Variants in B3GALT1 observed in about 807,000 individuals in gnomAD.
B3GALT1 encodes beta-1,3-galactosyltransferase 1, also known as UDP-Gal:betaGlcNAc beta 1,3-galactosyltransferase, polypeptide 1.
A neutral mutation model predicts 23.2 loss-of-function variants in B3GALT1; 10 were observed. The ratio of observed to expected loss-of-function variants is 0.43; its 90% CI spans 0.27 to 0.73. The LOEUF (loss-of-function observed/expected upper bound fraction) is 0.73, where lower values mean the gene tolerates loss of function less well. Ranked by LOEUF, B3GALT1 falls within the 30% of genes least tolerant of loss-of-function variation. B3GALT1 has a pLI of 0.21. For synonymous variants in B3GALT1, 156 were observed against 141.5 expected (o/e 1.10, Z -0.73); for missense variants, 299 against 405.4 (o/e 0.74, Z 2.25).
chr2:167,546,657 A>G (rs1683641647), intron 2 of B3GALT1, among the ~76,000 whole-genome samples: 1 of 152,152 alleles, frequency 6.6e-6, no homozygotes, highest in Non-Finnish European at 1.5e-5. Context: ...CAGTTCTCAC[A>G]TACTTCTGGC....
intron 1 of B3GALT1, among the ~76,000 whole-genome samples, chr2:167,303,300 T>C (rs1696481364): frequency 6.6e-6 from 1 of 152,088 alleles, no homozygotes; most frequent in South Asian, 2.1e-4. Flanking sequence ...AAACACACAG[T>C]AAAAATTCTC....
chr2:167,563,908 A>C (rs1684084973), intron 2 of B3GALT1, among the ~76,000 whole-genome samples: 1 of 79,348 alleles, frequency 1.3e-5, no homozygotes, highest in African/African-American at 5.2e-5. Flanking sequence ...GGCGGGGCCG[A>C]TCCCCCCACC....
At chr2:167,794,194 G>A (rs1453132466) in intron 3 of B3GALT1, among the ~76,000 whole-genome samples, 3 of 152,084 alleles carry the variant, frequency 2.0e-5, no homozygotes, top group Admixed American at 6.5e-5. Flanking sequence ...AAACACAAAC[G>A]TGTTCTTCTG....
Position 167,471,230 on chromosome 2 carries a change from G to A in B3GALT1, c.-510-18947G>A, listed in dbSNP as rs113741700. 1.5e-3 allele frequency among the ~76,000 whole-genome samples: 226 copies of A among 152,194 alleles called. 1 individual carries two copies. The highest frequency in any genetic ancestry group is 5.0e-3 in the African/African-American group (207 of 41,534). On this transcript the variant is annotated intron_variant, in intron 1 of 4. Transcript: ENST00000392690. ...ATTAATTAGCAGATAGTAAAAATAC[G>A]TGCATTTCAAAAATAAAAATCGACA...
At chr2:167,334,244 A>G (rs13428468) in intron 1 of B3GALT1, among the ~76,000 whole-genome samples, 9 of 152,194 alleles carry the variant, frequency 5.9e-5, no homozygotes, top group Non-Finnish European at 1.2e-4. Context: ...CCATTTGGCA[A>G]CTGACTGCCT....
At chr2:167,734,669 T>C (rs1687464435) in intron 3 of B3GALT1, among the ~76,000 whole-genome samples, 1 of 152,060 alleles carries the variant, frequency 6.6e-6, no homozygotes, top group South Asian at 2.1e-4. Flanking sequence ...GAATAAATTA[T>C]GAAAGTTTCT....
At chr2:167,331,364 G>C (rs1310032802) in intron 1 of B3GALT1, among the ~76,000 whole-genome samples, 2 of 152,198 alleles carry the variant, frequency 1.3e-5, no homozygotes, top group Non-Finnish European at 2.9e-5. Context: ...TGGCAGCAGT[G>C]GGCTGGGTGG....
chr2:167,747,387 C>A (rs1201685881), intron 3 of B3GALT1, among the ~76,000 whole-genome samples: 1 of 152,190 alleles, frequency 6.6e-6, no homozygotes, highest in Non-Finnish European at 1.5e-5. Context: ...TAACATCATA[C>A]AACTAATTCA....
intron 3 of B3GALT1, among the ~76,000 whole-genome samples, chr2:167,689,025 TTGAC>T (rs1322444395): frequency 7.2e-5 from 11 of 152,106 alleles, no homozygotes; most frequent in African/African-American, 2.2e-4. Flanking sequence ...TTTAGAAAAT[TTGAC>T]TGGCTTTGGG....
At chr2:167,388,991 T>G (rs1418491825) in intron 1 of B3GALT1, among the ~76,000 whole-genome samples, 2 of 152,230 alleles carry the variant, frequency 1.3e-5, no homozygotes, top group African/African-American at 4.8e-5. Context: ...CAAAATAATT[T>G]CCTAGAGTGT....
intron 2 of B3GALT1, among the ~76,000 whole-genome samples, chr2:167,635,892 C>T (rs983318818): frequency 2.6e-5 from 4 of 151,994 alleles, no homozygotes; most frequent in Non-Finnish European, 5.9e-5. Context: ...CAAGACAATC[C>T]TAAGCAAAAA....
intron 3 of B3GALT1, among the ~76,000 whole-genome samples, chr2:167,698,783 C>T (rs1686825928): frequency 6.6e-6 from 1 of 152,170 alleles, no homozygotes; most frequent in Non-Finnish European, 1.5e-5. Context: ...CACTGCCGTT[C>T]AATAAGTCTT....
intron 1 of B3GALT1, among the ~76,000 whole-genome samples, chr2:167,331,065 C>A (rs759302461): frequency 3.3e-5 from 5 of 152,000 alleles, no homozygotes; most frequent in Admixed American, 6.5e-5. Flanking sequence ...TGGATACATA[C>A]AGTAGTACAG....
At chr2:167,400,201 T>C (rs1698166657) in intron 1 of B3GALT1, among the ~76,000 whole-genome samples, 1 of 151,822 alleles carries the variant, frequency 6.6e-6, no homozygotes, top group Admixed American at 6.6e-5. Context: ...TGTCTGTGTG[T>C]GTGTATGTGT....
At chr2:167,643,381 A>G (rs57622031) in intron 2 of B3GALT1, among the ~76,000 whole-genome samples, 4 of 152,310 alleles carry the variant, frequency 2.6e-5, no homozygotes, top group East Asian at 3.9e-4. Context: ...GGTTTACATC[A>G]TCGATCCATT....
intron 2 of B3GALT1, among the ~76,000 whole-genome samples, chr2:167,538,933 G>T (rs1683483293): frequency 6.6e-6 from 1 of 151,986 alleles, no homozygotes; most frequent in Admixed American, 6.6e-5. Context: ...AGGCCTAATT[G>T]TACCTCACAT....
chr2:167,625,793 A>G (rs945985604), intron 2 of B3GALT1, among the ~76,000 whole-genome samples: 4 of 151,224 alleles, frequency 2.6e-5, no homozygotes, highest in East Asian at 3.9e-4. Context: ...ATGATTGTCC[A>G]TTGACTGCAG....
At chr2:167,722,523 T>C (rs1177529065) in intron 3 of B3GALT1, among the ~76,000 whole-genome samples, 1 of 152,144 alleles carries the variant, frequency 6.6e-6, no homozygotes, top group Non-Finnish European at 1.5e-5. Context: ...ACTTTCTATG[T>C]CCTTTAATGA....
At chr2:167,484,418 C>T (rs1699597223) in intron 1 of B3GALT1, among the ~76,000 whole-genome samples, 1 of 152,194 alleles carries the variant, frequency 6.6e-6, no homozygotes, top group African/African-American at 2.4e-5. Flanking sequence ...GGTTGGATTA[C>T]AACTTGATTT....
Sources: allele counts gnomAD v4.1 joint callset (sites outside exome capture counted in the v4.1 genomes callset), GRCh38; gene constraint gnomAD v4.1.1; transcripts MANE v1.5; gene names NCBI Gene and HGNC (gene_info 2026-07-23, HGNC 2026-07-21).